GMDS: variants seen among roughly 807,000 people sequenced by gnomAD.
The protein encoded by GMDS is GDP-mannose 4,6-dehydratase, also known as GDP-mannose 4,6 dehydratase.
A neutral mutation model predicts 49.9 loss-of-function variants in GMDS; 20 were observed. The ratio of observed to expected loss-of-function variants is 0.40; its 90% confidence interval spans 0.28 to 0.58. The LOEUF is 0.58. Ranked by LOEUF, GMDS falls within the 20% of genes least tolerant of loss-of-function variation. The pLI is 0.42. For missense variants in GMDS, 362 were observed against 481.4 expected, an observed-to-expected ratio of 0.75 and a Z score of 2.32; for synonymous variants, 177 against 178.6, an observed-to-expected ratio of 0.99 and a Z score of 0.07.
Position 2,152,232 on chromosome 6 carries a change from CTT to C in GMDS, c.103-27503_103-27502del, listed in dbSNP as rs1304414457. ...CTCAAGACTACCTTTCTGAAAGGCT[CTT>C]TAAAATCAAATTGAATTCATTCAAG... On this transcript the variant is annotated intron_variant, in intron 1 of 10. Transcript: ENST00000380815. Among the ~76,000 whole-genome samples the C allele has an allele frequency of 7.2e-5, 11 of 152,084 alleles. 1 individual carries two copies. The highest frequency in any genetic ancestry group is 2.4e-4 in the African/African-American group (10 of 41,440).
chr6:1,810,663 G>C (rs941456275), intron 7 of GMDS, among the ~76,000 whole-genome samples: 11 of 152,128 alleles, frequency 7.2e-5, no homozygotes, highest in African/African-American at 2.7e-4. Context: ...AACAGACAGG[G>C]AGGAGGGGAA....
intron 1 of GMDS, among the ~76,000 whole-genome samples, chr6:2,139,110 C>T (rs1467822389): frequency 1.3e-5 from 2 of 152,170 alleles, no homozygotes; most frequent in African/African-American, 2.4e-5. Flanking sequence ...ATGTACACTA[C>T]TTGGGTGACA....
intron 4 of GMDS, among the ~76,000 whole-genome samples, chr6:2,093,408 A>G (rs1170290275): frequency 1.3e-5 from 2 of 152,242 alleles, no homozygotes; most frequent in East Asian, 3.8e-4. Flanking sequence ...TGACTTTAAA[A>G]GAAACATTCA....
At chr6:2,020,324 T>A (rs1389533288) in intron 4 of GMDS, among the ~76,000 whole-genome samples, 2 of 151,506 alleles carry the variant, frequency 1.3e-5, no homozygotes, top group African/African-American at 4.8e-5. Context: ...ATAAAATAAA[T>A]TAAATAAATT....
At position 1,624,415 on chromosome 6, in the gene GMDS, G is replaced by A. The variant is rs577964872; in HGVS notation, c.1056+57C>T. 109 of 1,501,076 alleles carry A rather than the reference G, an allele frequency of 7.3e-5. 1 individual carries two copies. In the South Asian group the frequency reaches 1.2e-3, roughly 16 times the overall value. The allele number at this position is 1,501,076 out of a possible 1,614,324, so 93.0% of individuals were successfully genotyped here. Reference sequence around the variant, plus strand: ...CCTCAGGCGCCCGACCCTGAGAGCTGCCGCCCTGCAGCCCGGGGCCCCGCA... The same window carrying A: ...CCTCAGGCGCCCGACCCTGAGAGCTACCGCCCTGCAGCCCGGGGCCCCGCA... On this transcript the variant is annotated intron_variant, in intron 10 of 10. Coordinates refer to ENST00000380815, the MANE Select transcript of GMDS (RefSeq NM_001500.4).
intron 7 of GMDS, among the ~76,000 whole-genome samples, chr6:1,765,986 G>T (rs927299033): frequency 6.6e-6 from 1 of 152,096 alleles, no homozygotes; most frequent in East Asian, 1.9e-4. Flanking sequence ...TGGGTCCTTC[G>T]AAACATGCCT....
intron 4 of GMDS, among the ~76,000 whole-genome samples, chr6:1,972,091 T>C (rs1472634935): frequency 6.6e-6 from 1 of 152,204 alleles, no homozygotes; most frequent in Non-Finnish European, 1.5e-5. Context: ...TATAACTCCG[T>C]GGTCACAATT....
At chr6:2,186,790 C>T (rs1211900560) in intron 1 of GMDS, among the ~76,000 whole-genome samples, 3 of 152,232 alleles carry the variant, frequency 2.0e-5, no homozygotes, top group Non-Finnish European at 2.9e-5. Context: ...TACTAATTCT[C>T]TCACTGTTGG....
chr6:1,716,653 TC>T (rs1319463012), intron 9 of GMDS, among the ~76,000 whole-genome samples: 1 of 152,106 alleles, frequency 6.6e-6, no homozygotes, highest in Non-Finnish European at 1.5e-5. Context: ...GCCTTGCTTC[TC>T]AGGGTTCCCA....
At chr6:2,119,977 G>A (rs916010518) in intron 2 of GMDS, among the ~76,000 whole-genome samples, 1 of 152,084 alleles carries the variant, frequency 6.6e-6, no homozygotes, top group Non-Finnish European at 1.5e-5. Flanking sequence ...TATTAATTAT[G>A]ATCAAGAAAA....
intron 7 of GMDS, among the ~76,000 whole-genome samples, chr6:1,887,804 C>T (rs1759677764): frequency 6.6e-6 from 1 of 152,286 alleles, no homozygotes; most frequent in African/African-American, 2.4e-5. Context: ...TGCTCAACTC[C>T]CTTATGTGAA....
At chr6:2,158,347 C>T (rs1777213140) in intron 1 of GMDS, among the ~76,000 whole-genome samples, 2 of 152,166 alleles carry the variant, frequency 1.3e-5, no homozygotes, top group South Asian at 2.1e-4. Flanking sequence ...GGAGGGATTC[C>T]TTAATTTATA....
At chr6:1,898,443 G>A (rs1327921287) in intron 7 of GMDS, among the ~76,000 whole-genome samples, 1 of 152,168 alleles carries the variant, frequency 6.6e-6, no homozygotes, top group Non-Finnish European at 1.5e-5. Context: ...CAAGTGATGT[G>A]ATTACAGTCA....
chr6:2,178,551 C>T (rs1778386362), intron 1 of GMDS, among the ~76,000 whole-genome samples: 1 of 152,128 alleles, frequency 6.6e-6, no homozygotes, highest in Admixed American at 6.5e-5. Flanking sequence ...TAGGCTCTAC[C>T]TCCAACACCA....
At chr6:1,820,659 T>A (rs1770851898) in intron 7 of GMDS, among the ~76,000 whole-genome samples, 1 of 152,224 alleles carries the variant, frequency 6.6e-6, no homozygotes, top group African/African-American at 2.4e-5. Flanking sequence ...TAAGCAGCAC[T>A]CATTATTTCT....
intron 7 of GMDS, among the ~76,000 whole-genome samples, chr6:1,789,193 C>T (rs1167127301): frequency 1.3e-5 from 2 of 152,232 alleles, no homozygotes; most frequent in Non-Finnish European, 2.9e-5. Flanking sequence ...ATGCATCACC[C>T]CCTTATTACA....
intron 9 of GMDS, among the ~76,000 whole-genome samples, chr6:1,660,365 G>C (rs1158960604): frequency 6.6e-6 from 1 of 152,024 alleles, no homozygotes; most frequent in Non-Finnish European, 1.5e-5. Flanking sequence ...AAGAGTGGGG[G>C]CTTTTAGTGT....
chr6:2,238,222 C>CAAA (rs58141924), intron 1 of GMDS, among the ~76,000 whole-genome samples: 1 of 118,688 alleles, frequency 8.4e-6, no homozygotes, highest in African/African-American at 2.9e-5. Flanking sequence ...CCTGTCTCTA[C>CAAA]AAAAAAAAAA....
intron 7 of GMDS, among the ~76,000 whole-genome samples, chr6:1,816,063 C>T (rs1055346296): frequency 5.3e-5 from 8 of 152,228 alleles, no homozygotes; most frequent in Admixed American, 4.6e-4. Context: ...TGCTCACTGC[C>T]CCACCAGTGA....
Sources: gnomAD v4.1 joint callset for allele counts (sites outside exome capture counted in the v4.1 genomes callset) on GRCh38, gnomAD v4.1.1 for gene constraint, MANE v1.5 for transcripts, NCBI Gene and HGNC (gene_info 2026-07-23, HGNC 2026-07-21) for gene names.